Variants in CDNF observed in about 807,000 individuals in gnomAD.
The protein encoded by CDNF is ARMET-like protein 1.
CDNF carries 9 observed loss-of-function variants against 14.8 expected under a neutral mutation model. The observed-to-expected ratio is 0.61, with a 90% confidence interval of 0.37 to 1.06. CDNF has a LOEUF of 1.06. Among genes scored for constraint, CDNF ranks in the 50% least tolerant of loss-of-function variants. The probability of loss-of-function intolerance (pLI) is 0.01; values close to 1 mark genes in which losing one functional copy is unlikely to be tolerated. For synonymous variants in CDNF, 86 were observed against 87.2 expected, an observed-to-expected ratio of 0.99 and a Z score of 0.07; for missense variants, 228 against 228.4, an observed-to-expected ratio of 1.00 and a Z score of 0.01.
chr10:14,837,320 C>G (rs1263122122), intron 1 of CDNF, among the ~76,000 whole-genome samples: 2 of 152,230 alleles, frequency 1.3e-5, no homozygotes. Flanking sequence ...TTGTATTCCT[C>G]TCTTTCCCAA....
chr10:14,822,987 C>T (rs1833750243), intron 3 of CDNF, among the ~76,000 whole-genome samples: 2 of 152,234 alleles, frequency 1.3e-5, no homozygotes, highest in African/African-American at 4.8e-5. Flanking sequence ...TGAAAACATA[C>T]TCCAACTCCA....
At chr10:14,825,412 T>C (rs932208250) in intron 3 of CDNF, 67 bp downstream of exon 3, 5 of 1,478,288 alleles carry the variant, frequency 3.4e-6, no homozygotes, top group Non-Finnish European at 4.6e-6. Context: ...TTAGAAGACA[T>C]GGCCCCAACT....
intron 1 of CDNF, among the ~76,000 whole-genome samples, chr10:14,837,608 A>T (rs1325425723): frequency 6.6e-6 from 1 of 152,234 alleles, no homozygotes; most frequent in African/African-American, 2.4e-5. Context: ...TTTACTGCTG[A>T]AGTTTAATAT....
intron 1 of CDNF, 107 bp from the exon 2 acceptor site, chr10:14,828,379 T>G (rs1454644228): frequency 1.8e-5 from 20 of 1,085,688 alleles, no homozygotes; most frequent in Non-Finnish European, 2.7e-5. Context: ...CTGGGCATGG[T>G]GGCTTACCCC....
chr10:14,837,274 C>CA (rs1588801470), intron 1 of CDNF, among the ~76,000 whole-genome samples: 5 of 152,312 alleles, frequency 3.3e-5, no homozygotes. Context: ...TGCGAGTTCA[C>CA]AGCTGAGATA....
At chr10:14,823,118 C>T (rs1370421277) in intron 3 of CDNF, among the ~76,000 whole-genome samples, 2 of 152,198 alleles carry the variant, frequency 1.3e-5, no homozygotes, top group East Asian at 3.8e-4. Flanking sequence ...TCTTATCTTT[C>T]CTGCTAACAA....
At chr10:14,835,829 C>A (rs1209630169) in intron 1 of CDNF, among the ~76,000 whole-genome samples, 2 of 152,092 alleles carry the variant, frequency 1.3e-5, no homozygotes, top group Non-Finnish European at 2.9e-5. Context: ...AAGAGTTAAG[C>A]AATTTGAATC....
chr10:14,824,509 G>A (rs954700243), intron 3 of CDNF, among the ~76,000 whole-genome samples: 5 of 151,434 alleles, frequency 3.3e-5, no homozygotes, highest in East Asian at 1.9e-4. Context: ...GGGAGGCTCC[G>A]GCAGGAGAAT....
intron 2 of CDNF, among the ~76,000 whole-genome samples, chr10:14,826,103 GCAGCAGCAGC>G (rs1564313478): frequency 2.4e-5 from 3 of 127,584 alleles, no homozygotes; most frequent in African/African-American, 1.0e-4. Flanking sequence ...AGAAGCAGCA[GCAGCAGCAGC>G]AGCAGCAGCA....
intron 1 of CDNF, among the ~76,000 whole-genome samples, chr10:14,829,162 G>C (rs773675883): frequency 6.6e-6 from 1 of 152,194 alleles, no homozygotes; most frequent in Non-Finnish European, 1.5e-5. Flanking sequence ...TACCTAAAAT[G>C]ATAACTTTTC....
At chr10:14,820,800 C>A (rs1367768442) in intron 3 of CDNF, among the ~76,000 whole-genome samples, 1 of 152,114 alleles carries the variant, frequency 6.6e-6, no homozygotes, top group African/African-American at 2.4e-5. Flanking sequence ...TGTGTCTCCA[C>A]TCAAATCTCA....
chr10:14,834,110 G>A (rs1327096024), intron 1 of CDNF: 1 of 152,174 alleles, frequency 6.6e-6, no homozygotes, highest in African/African-American at 2.4e-5. Context: ...GGAGGCCAAG[G>A]CTGGCGGATC....
chr10:14,821,613 T>G lies in CDNF; in HGVS notation c.386-1455A>C, dbSNP rs74561802. 5.3e-4 allele frequency among the ~76,000 whole-genome samples: 81 copies of G among 152,328 alleles called. 2 individuals are homozygous for G. In the East Asian group the frequency reaches 0.014, roughly 27 times the overall value. On this transcript the variant is annotated intron_variant, in intron 3 of 3. Transcript: ENST00000465530. ...CCCAGAACCCCTCCTGCACAGGTAC[T>G]GAAGGACAACAGTGTATACAAAGTT...
chr10:14,837,952 G>A lies in CDNF; in HGVS notation c.-6C>T, dbSNP rs770586342. The stretch of plus-strand genomic sequence containing the variant: ...ACTGGGCTCGCGCACCACATGCTGG[G>A]CCAGCAGCTTCAATCGCCTCCGCCA... On this transcript the variant is annotated 5_prime_UTR_variant, in exon 1 of 4. Coordinates refer to ENST00000465530, the MANE Select transcript of CDNF (RefSeq NM_001029954.3). The A allele has an allele frequency of 8.8e-6, 14 of 1,582,050 alleles. No homozygotes were observed. The Admixed American group carries it at 2.1e-4, about 24-fold the overall frequency.
Position 14,819,939 on chromosome 10 carries a change from TTCTC to T in CDNF, c.*37_*40del, listed in dbSNP as rs776483572. Reference sequence around the variant, plus strand: ...ATGTCCATATCCTAGAGAGTCACTTTTCTCTCTAATTACAAGTCACAAATGTGCT... The same window carrying T: ...ATGTCCATATCCTAGAGAGTCACTTTTCTAATTACAAGTCACAAATGTGCT... On this transcript the variant is annotated 3_prime_UTR_variant, in exon 4 of 4. Transcript: ENST00000465530. The T allele has an allele frequency of 6.1e-5, 96 of 1,568,328 alleles. No individual in the cohort carries two copies. Among genetic ancestry groups the T allele is most frequent in the Middle Eastern group, 4.2e-4 (2 of 4,758 alleles).
rs148962227 is a variant in CDNF, at chr10:14,825,579, G to A, written c.285C>T (p.Ile95=). ...TCATTGGGCGAGTGACTTCACTTAG[G>A]ATCTTTGTGGCTGCGTCTTTTGTGG... ...LGATKDAATK[I]LSEVTRPMSV... is the part of the protein sequence containing the mutation. The change falls in exon 3 of 4, where the codon ATC becomes ATT. Residue 95 remains isoleucine (I), a synonymous_variant. Coordinates refer to ENST00000465530, the MANE Select transcript of CDNF (RefSeq NM_001029954.3). 6.2e-7 allele frequency: 1 copy of A among 1,614,052 alleles called. No individual in the cohort carries two copies. Among genetic ancestry groups the A allele is most frequent in the Admixed American group, 1.7e-5 (1 of 59,986 alleles).
At chr10:14,827,426 CCAT>C in intron 2 of CDNF, among the ~76,000 whole-genome samples, 2 of 151,870 alleles carry the variant, frequency 1.3e-5, no homozygotes, top group Non-Finnish European at 2.9e-5. Flanking sequence ...CCAGGAAACA[CCAT>C]ATTAATGTGA....
At chr10:14,823,534 T>C (rs78850859) in intron 3 of CDNF, among the ~76,000 whole-genome samples, 9,701 of 152,262 alleles carry the variant, frequency 0.064, 462 homozygotes, top group South Asian at 0.21. Context: ...TTATTTTATC[T>C]ATTTATTTTT....
rs1833721314 is a variant in CDNF at position 14,819,714 on chromosome 10, G to C, written c.*266C>G. ...TCAATTTGTCAGTAGGTCACTTTTA[G>C]GAGACAGGCAATGAAAACTGGCATA... On this transcript the variant is annotated 3_prime_UTR_variant, in exon 4 of 4. Coordinates refer to ENST00000465530, the MANE Select transcript of CDNF (RefSeq NM_001029954.3). The C allele has an allele frequency of 3.2e-6, 1 of 314,256 alleles. No individual in the cohort carries two copies. The highest frequency in any genetic ancestry group is 5.8e-6 in the Non-Finnish European group (1 of 172,964). 19.5% of individuals were successfully genotyped at this position (314,256 alleles called of 1,614,324 possible).
Sources: gnomAD v4.1 joint callset for allele counts (sites outside exome capture counted in the v4.1 genomes callset) on GRCh38, gnomAD v4.1.1 for gene constraint, MANE v1.5 for transcripts, NCBI Gene and HGNC (gene_info 2026-07-23, HGNC 2026-07-21) for gene names.